PCNT: variants seen among roughly 807,000 people sequenced by gnomAD.
PCNT encodes kendrin.
In PCNT, 319 loss-of-function variants were observed where a neutral mutation model predicts 380.4. The observed-to-expected ratio is 0.84, with a 90% CI of 0.77 to 0.92. The LOEUF (loss-of-function observed/expected upper bound fraction) is 0.92, where lower values mean the gene tolerates loss of function less well. Among genes scored for constraint, PCNT ranks in the 40% least tolerant of loss-of-function variants. The pLI is 0.00. For synonymous variants in PCNT, 1,845 were observed against 1,735.2 expected, an observed-to-expected ratio of 1.06 and a Z score of -1.57; for missense variants, 4,400 against 4,255.3, an observed-to-expected ratio of 1.03 and a Z score of -0.95.
rs1025252597 is a variant in PCNT at position 46,388,989 on chromosome 21, C to T, written c.3607+105C>T. 8 of 1,480,024 alleles carry T rather than the reference C, an allele frequency of 5.4e-6. No individual in the cohort carries two copies. Among genetic ancestry groups the T allele is most frequent in the African/African-American group, 2.8e-5 (2 of 71,836 alleles). The allele number at this position is 1,480,024 out of a possible 1,614,324, so 91.7% of individuals were successfully genotyped here. ...GTATTGGGCGATGCCCTTGGGAGCA[C>T]TGCCGTCCTGGTTTCCTGCTAGTTT... is the stretch of plus-strand genomic sequence containing the variant. On this transcript the variant is annotated intron_variant, in intron 18 of 46. Transcript: ENST00000359568. The surrounding 1 kb of genome is among the most constrained non-coding windows in gnomAD (Gnocchi z 4.2).
At chr21:46,400,188 G>C (rs1212960891) in intron 25 of PCNT, among the ~76,000 whole-genome samples, 1 of 152,178 alleles carries the variant, frequency 6.6e-6, no homozygotes, top group Non-Finnish European at 1.5e-5. Flanking sequence ...TCAGCTCCCA[G>C]TGAAGAGATC....
intron 39 of PCNT, 128 bp from the exon 40 acceptor site, chr21:46,436,851 G>C: frequency 2.7e-6 from 2 of 751,678 alleles, no homozygotes; most frequent in Non-Finnish European, 4.7e-6. Context: ...ACGGCTGGAC[G>C]AAGTGATTCA....
At chr21:46,407,425 T>C (rs1362693444) in intron 27 of PCNT, among the ~76,000 whole-genome samples, 1 of 138,162 alleles carries the variant, frequency 7.2e-6, no homozygotes, top group African/African-American at 2.7e-5. Flanking sequence ...CCCTGCAACC[T>C]CCGCCTCCCG....
chr21:46,362,588 G>T (rs1283108897), intron 13 of PCNT, among the ~76,000 whole-genome samples: 1 of 151,974 alleles, frequency 6.6e-6, no homozygotes, highest in Non-Finnish European at 1.5e-5. Flanking sequence ...CTTTTTTTGG[G>T]TTTTTTGTTT....
At chr21:46,389,067 G>A (rs902221388) in intron 18 of PCNT, 132 bp from the exon 19 acceptor site, 41 of 1,263,086 alleles carry the variant, frequency 3.2e-5, no homozygotes, top group Admixed American at 2.6e-4. Context: ...GTCAGCTCCC[G>A]TGGACGTGGC....
chr21:46,351,364 C>T (rs1415873111), intron 8 of PCNT, 65 bp from the exon 9 acceptor site: 24 of 866,662 alleles, frequency 2.8e-5, no homozygotes, highest in Non-Finnish European at 4.0e-5. Context: ...AAACCGCACA[C>T]GTCACTGCTG....
chr21:46,406,211 G>T (rs2086617863), intron 27 of PCNT, among the ~76,000 whole-genome samples: 1 of 152,136 alleles, frequency 6.6e-6, no homozygotes, highest in Admixed American at 6.6e-5. Flanking sequence ...GTCCTCCGGG[G>T]CTCCAGCCAT....
At chr21:46,343,479 CA>C (rs1375838443) in intron 3 of PCNT, among the ~76,000 whole-genome samples, 1 of 152,036 alleles carries the variant, frequency 6.6e-6, no homozygotes, top group African/African-American at 2.4e-5. Context: ...GTATGAAACC[CA>C]AGTGTATTAT....
At chr21:46,432,336 T>C in intron 38 of PCNT, 121 bp downstream of exon 38, 1 of 934,010 alleles carries the variant, frequency 1.1e-6, no homozygotes, top group Non-Finnish European at 1.7e-6. Context: ...TGCTCTGGTC[T>C]GTGTGCCCTG....
In PCNT at chr21:46,445,414, C is replaced by T; in HGVS notation, c.*87C>T. ...TTTCCCAAGGAAGCTCGTGGGACAG[C>T]ATGGGCACTACTCTTCATGTGCGGT... On this transcript the variant is annotated 3_prime_UTR_variant, in exon 47 of 47. Coordinates refer to ENST00000359568, the MANE Select transcript of PCNT (RefSeq NM_006031.6). The T allele has an allele frequency of 1.0e-6, 1 of 1,002,876 alleles. No individual in the cohort carries two copies. The highest frequency in any genetic ancestry group is 1.3e-5 in the South Asian group (1 of 78,924). The allele number at this position is 1,002,876 out of a possible 1,614,324, so 62.1% of individuals were successfully genotyped here.
intron 27 of PCNT, among the ~76,000 whole-genome samples, chr21:46,404,355 G>T (rs1447129377): frequency 3.4e-5 from 5 of 147,956 alleles, no homozygotes; most frequent in Non-Finnish European, 6.1e-5. Context: ...TCCCTATTAA[G>T]GTTCTGTCGG....
At position 46,416,841 on chromosome 21, in the gene PCNT, T is replaced by C. The variant is rs1416180944; in HGVS notation, c.6921+2T>C. The C allele has an allele frequency of 6.3e-7, 1 of 1,597,290 alleles. No homozygotes were observed. The highest frequency in any genetic ancestry group is 1.7e-5 in the Admixed American group (1 of 59,998). ...CACCATGTGCAGAGGACGGCTGTGG[T>C]AGGTGCCTGCTCTGCTCCCAGGCCT... On this transcript the variant is annotated splice_donor_variant, in intron 30 of 46. Coordinates refer to ENST00000359568, the MANE Select transcript of PCNT (RefSeq NM_006031.6). LOFTEE classifies it high-confidence loss of function.
At chr21:46,379,089 T>A (rs1189513346) in intron 15 of PCNT, among the ~76,000 whole-genome samples, 1 of 152,272 alleles carries the variant, frequency 6.6e-6, no homozygotes, top group Non-Finnish European at 1.5e-5. Flanking sequence ...CTGCTAGTGA[T>A]GAATCCTCTT....
chr21:46,411,893 C>G lies in PCNT; in HGVS notation c.5820C>G (p.Phe1940Leu), dbSNP rs1379460400. The G allele has an allele frequency of 1.9e-6, 3 of 1,579,010 alleles. No individual in the cohort carries two copies. Among genetic ancestry groups the G allele is most frequent in the Non-Finnish European group, 2.6e-6 (3 of 1,170,336 alleles). Residue 1940 changes from phenylalanine to leucine, a missense_variant, in exon 28 of 47, where the codon TTC becomes TTG. Phe to Leu is a conservative substitution (Grantham distance 22). Transcript: ENST00000359568. ...AGCTGCAGGTGCTGCACCAGCGGTT[C>G]CTGAGGTGCCAGGTGGAGCTGGACA... ...SRQLQVLHQR[F>L]LRCQVELDRR...
In PCNT at chr21:46,416,342, A is replaced by G; in HGVS notation, c.6424A>G (p.Ile2142Val). The change falls in exon 30 of 47, where the codon ATC (isoleucine) becomes GTC (valine). Residue 2142 changes from isoleucine to valine, a missense_variant. Physicochemically the swap from Ile to Val is conservative, Grantham distance 29 (BLOSUM62 3). Transcript: ENST00000359568. ...AGCCACGGGGGGTGTAACTGATGTTATCAAAAATCAGGCCATAGACGCGTG... is the reference window on the plus strand; with the variant it reads ...AGCCACGGGGGGTGTAACTGATGTTGTCAAAAATCAGGCCATAGACGCGTG... ...NTATGGVTDV[I>V]KNQAIDACDA... 6.2e-7 allele frequency: 1 copy of G among 1,614,090 alleles called. No individual in the cohort carries two copies. The highest frequency in any genetic ancestry group is 2.2e-5 in the East Asian group (1 of 44,886).
rs200426591 is a variant in PCNT at position 46,411,783 on chromosome 21, G to A, written c.5710G>A (p.Ala1904Thr). The change falls in exon 28 of 47, where the codon GCC becomes ACC. Residue 1904 changes from alanine to threonine, a missense_variant. By Grantham distance (58) the Ala-to-Thr change is moderately conservative. Transcript: ENST00000359568. ...GTTGGCCTTGGCCCGCATCCGCCGC[G>A]CCCTGGAGCAGCAGCCCCTGGCAGC... ...VLLALARIRR[A>T]LEQQPLAAGA... 1,942 of 1,602,802 alleles carry A rather than the reference G, an allele frequency of 1.2e-3. 17 individuals are homozygous for A. Among genetic ancestry groups the A allele is most frequent in the East Asian group, 0.011 (508 of 44,638 alleles).
chr21:46,433,098 C>A (rs1442183656), intron 38 of PCNT, among the ~76,000 whole-genome samples: 1 of 152,138 alleles, frequency 6.6e-6, no homozygotes, highest in Non-Finnish European at 1.5e-5. Context: ...GGGATGAGAG[C>A]AGGCCGGGCA....
At position 46,430,110 on chromosome 21, in the gene PCNT, G is replaced by A. The variant is rs2087686492; in HGVS notation, c.7791G>A (p.Lys2597=). 6.2e-7 allele frequency: 1 copy of A among 1,614,228 alleles called. No homozygotes were observed. The highest frequency in any genetic ancestry group is 8.5e-7 in the Non-Finnish European group (1 of 1,180,034). Residue 2597 remains lysine, a synonymous_variant, in exon 36 of 47, where the codon AAG becomes AAA. Coordinates refer to ENST00000359568, the MANE Select transcript of PCNT (RefSeq NM_006031.6). ...EEQEKANSVQ[K]LLAAEQTVVR... Reference sequence around the variant, plus strand: ...AAGAGAAGGCAAACAGCGTGCAGAAGCTCCTGGCGGCGGAGCAGACTGTAG... The same window carrying A: ...AAGAGAAGGCAAACAGCGTGCAGAAACTCCTGGCGGCGGAGCAGACTGTAG...
intron 34 of PCNT, among the ~76,000 whole-genome samples, 161 bp from the exon 35 acceptor site, chr21:46,428,234 G>A (rs532988326): frequency 5.3e-5 from 8 of 152,326 alleles, no homozygotes; most frequent in African/African-American, 1.9e-4. Flanking sequence ...CAGCCCTGAC[G>A]CCTGCAGGCC....
Sources: allele counts gnomAD v4.1 joint callset (sites outside exome capture counted in the v4.1 genomes callset), GRCh38; gene constraint gnomAD v4.1.1; non-coding constraint Gnocchi (gnomAD v3.1); transcripts MANE v1.5; gene names NCBI Gene and HGNC (gene_info 2026-07-23, HGNC 2026-07-21).